DNAH9: variants seen among roughly 807,000 people sequenced by gnomAD.
DNAH9 encodes DNAH9 variant protein.
In DNAH9, 345 loss-of-function variants were observed where a neutral mutation model predicts 471.6. That is an observed-to-expected ratio of 0.73 (90% confidence interval 0.67 to 0.80). DNAH9 has a LOEUF of 0.80. Among genes scored for constraint, DNAH9 ranks in the 30% least tolerant of loss-of-function variants. The pLI, the probability that DNAH9 is intolerant of heterozygous loss-of-function variation, is 0.00. For synonymous variants in DNAH9, 2,093 were observed against 2,123.6 expected (o/e 0.99, Z 0.40); for missense variants, 5,407 against 5,609.2 (o/e 0.96, Z 1.15).
At chr17:11,781,434 G>A (rs1968661568) in intron 39 of DNAH9, among the ~76,000 whole-genome samples, 1 of 152,114 alleles carries the variant, frequency 6.6e-6, no homozygotes, top group African/African-American at 2.4e-5. Flanking sequence ...CCTACTTTTT[G>A]CTTCAAGACT....
At chr17:11,618,830 G>A (rs542359737) in intron 5 of DNAH9, among the ~76,000 whole-genome samples, 3 of 152,218 alleles carry the variant, frequency 2.0e-5, no homozygotes, top group South Asian at 4.2e-4. Flanking sequence ...AAAGATGTGG[G>A]CTACTGTTCA....
intron 26 of DNAH9, among the ~76,000 whole-genome samples, chr17:11,718,172 C>T (rs372551117): frequency 6.6e-6 from 1 of 152,212 alleles, no homozygotes; most frequent in Non-Finnish European, 1.5e-5. Flanking sequence ...CCACTACACC[C>T]GGCCTGACAA....
chr17:11,878,379 T>C (rs557893789), intron 53 of DNAH9, among the ~76,000 whole-genome samples: 3 of 152,340 alleles, frequency 2.0e-5, no homozygotes, highest in African/African-American at 7.2e-5. Context: ...TCGTCTCATT[T>C]GTCTTTTAAT....
intron 50 of DNAH9, 77 bp downstream of exon 50, chr17:11,854,505 C>G: frequency 6.9e-7 from 1 of 1,454,450 alleles, no homozygotes; most frequent in Non-Finnish European, 9.2e-7. Flanking sequence ...CATCTAACAC[C>G]TAACGTTACG....
At chr17:11,812,013 A>G (rs1394356239) in intron 45 of DNAH9, among the ~76,000 whole-genome samples, 1 of 61,684 alleles carries the variant, frequency 1.6e-5, no homozygotes, top group African/African-American at 8.3e-5. Flanking sequence ...AAAAAAAAAA[A>G]AAAAAAAAAA....
At chr17:11,692,679 C>CT (rs145422578) in intron 20 of DNAH9, among the ~76,000 whole-genome samples, 2,280 of 148,556 alleles carry the variant, frequency 0.015, 65 homozygotes, top group African/African-American at 0.053. Context: ...TGTTATCCGC[C>CT]TTTTTTTTTT....
intron 57 of DNAH9, among the ~76,000 whole-genome samples, chr17:11,890,277 C>T (rs1973007942): frequency 6.6e-6 from 1 of 152,040 alleles, no homozygotes. Context: ...CATTATCAGC[C>T]TCTAATGAAC....
intron 7 of DNAH9, 100 bp from the exon 8 acceptor site, chr17:11,632,487 G>A (rs1004415501): frequency 1.5e-6 from 1 of 671,972 alleles, no homozygotes; most frequent in Non-Finnish European, 2.7e-6. Context: ...ATAATTCTTT[G>A]GTATAACCAG....
chr17:11,899,813 G>A (rs1277609667), intron 59 of DNAH9, among the ~76,000 whole-genome samples: 1 of 152,180 alleles, frequency 6.6e-6, no homozygotes, highest in Non-Finnish European at 1.5e-5. Flanking sequence ...CCTGTCAAGA[G>A]CCCTCCTGCT....
At chr17:11,625,849 A>G (rs986053904) in intron 6 of DNAH9, among the ~76,000 whole-genome samples, 1 of 152,222 alleles carries the variant, frequency 6.6e-6, no homozygotes, top group African/African-American at 2.4e-5. Flanking sequence ...CCCATTACAC[A>G]TATAATATCC....
chr17:11,792,793 T>C (rs1969109326), intron 41 of DNAH9, among the ~76,000 whole-genome samples: 1 of 152,224 alleles, frequency 6.6e-6, no homozygotes, highest in Non-Finnish European at 1.5e-5. Context: ...TTTTCCCTCA[T>C]TGTGGGTGAT....
intron 48 of DNAH9, among the ~76,000 whole-genome samples, chr17:11,823,717 GTCAGGAGA>G (rs1970394936): frequency 6.6e-6 from 1 of 152,060 alleles, no homozygotes; most frequent in African/African-American, 2.4e-5. Context: ...GGATCACGAG[GTCAGGAGA>G]TCGAGACCAT....
chr17:11,882,788 C>T lies in DNAH9; in HGVS notation c.10807-798C>T, dbSNP rs78256140. On this transcript the variant is annotated intron_variant, in intron 55 of 68. Coordinates refer to ENST00000262442, the MANE Select transcript of DNAH9 (RefSeq NM_001372.4). ...AAACAGTGGTGGTCAGAAAAAGATT[C>T]GGTGAGGAGTTGGCATCTGAGCTAA... 621 of 284,554 alleles carry T rather than the reference C, an allele frequency of 2.2e-3. 4 individuals are homozygous for T. Among genetic ancestry groups the T allele is most frequent in the African/African-American group, 0.013 (582 of 43,942 alleles). The allele number at this position is 284,554 out of a possible 1,614,324, so 17.6% of individuals were successfully genotyped here. A position where few individuals can be genotyped will look rare whatever the true frequency, so the allele number is the denominator to read the frequency against.
At position 11,717,613 on chromosome 17, in the gene DNAH9, A is replaced by G. The variant is rs375137584; in HGVS notation, c.5553-1721A>G. Reference sequence around the variant, plus strand: ...GATATTAAAAAGTTAGAACAGTGGCACAATTGTATCAGCTTTATTGAGGTA... The same window carrying G: ...GATATTAAAAAGTTAGAACAGTGGCGCAATTGTATCAGCTTTATTGAGGTA... On this transcript the variant is annotated intron_variant, in intron 26 of 68. Coordinates refer to ENST00000262442, the MANE Select transcript of DNAH9 (RefSeq NM_001372.4). Among the ~76,000 whole-genome samples, 10 of 152,294 alleles carry G rather than the reference A, an allele frequency of 6.6e-5. No individual in the cohort carries two copies. In the South Asian group the frequency reaches 2.1e-3, roughly 32 times the overall value.
chr17:11,946,346 C>A (rs1419534689), intron 67 of DNAH9, among the ~76,000 whole-genome samples: 1 of 151,610 alleles, frequency 6.6e-6, no homozygotes, highest in Non-Finnish European at 1.5e-5. Context: ...AAAAGCCTGA[C>A]ACCATCACAC....
At chr17:11,812,030 T>A (rs867263819) in intron 45 of DNAH9, among the ~76,000 whole-genome samples, 34 of 41,072 alleles carry the variant, frequency 8.3e-4, no homozygotes, top group Non-Finnish European at 1.1e-3. Context: ...AAAAAAAATA[T>A]ATATATATAT....
Position 11,834,786 on chromosome 17 carries a change from TG to T in DNAH9, c.9397del (p.Ala3133ProfsTer5). The T allele has an allele frequency of 6.2e-7, 1 of 1,613,982 alleles. No individual in the cohort carries two copies. The highest frequency in any genetic ancestry group is 8.5e-7 in the Non-Finnish European group (1 of 1,180,004). On this transcript the variant is annotated frameshift_variant, in exon 49 of 69. Coordinates refer to ENST00000262442, the MANE Select transcript of DNAH9 (RefSeq NM_001372.4). LOFTEE classifies it high-confidence loss of function. ...ATGGCAGATGAAGAGGAGCAGAAGG[TG>T]GCCGTCATCATGCTAGAGGTGAAAC... is the stretch of plus-strand genomic sequence containing the variant. ...KAMADEEEQK[V>X]AVIMLEVKQK...
At chr17:11,849,111 C>T (rs1051490840) in intron 49 of DNAH9, among the ~76,000 whole-genome samples, 1 of 152,192 alleles carries the variant, frequency 6.6e-6, no homozygotes, top group African/African-American at 2.4e-5. Flanking sequence ...GCTGGCATTA[C>T]AAGCGTGAGC....
At chr17:11,662,734 C>T (rs1287097893) in intron 14 of DNAH9, among the ~76,000 whole-genome samples, 1 of 139,490 alleles carries the variant, frequency 7.2e-6, no homozygotes, top group African/African-American at 2.6e-5. Flanking sequence ...CACCTTGATC[C>T]TGTTGAGGCT....
Sources: allele counts gnomAD v4.1 joint callset (sites outside exome capture counted in the v4.1 genomes callset), GRCh38; gene constraint gnomAD v4.1.1; transcripts MANE v1.5; gene names NCBI Gene and HGNC (gene_info 2026-07-23, HGNC 2026-07-21).